Variants in HECW2 observed in about 807,000 individuals in gnomAD.
HECW2 encodes HECT, C2 and WW domain containing E3 ubiquitin protein ligase 2, also known as E3 ubiquitin-protein ligase HECW2.
In HECW2, 61 loss-of-function variants were observed where a neutral mutation model predicts 175.2. The observed-to-expected ratio is 0.35, with a 90% CI of 0.28 to 0.43. The LOEUF is 0.43. Ranked by LOEUF, HECW2 falls within the 20% of genes least tolerant of loss-of-function variation. The pLI is 1.00. For missense variants in HECW2, 1,524 were observed against 2,000.5 expected (o/e 0.76, Z 4.54); for synonymous variants, 671 against 731.0 (o/e 0.92, Z 1.32).
chr2:196,542,060 G>A lies in HECW2; in HGVS notation c.-36+51448C>T, dbSNP rs140225092. ...GGGCGGATCACGAGGTCAGGAGTTC[G>A]AGACCAGTCTGGCCAACATGGTGAA... is the stretch of plus-strand genomic sequence containing the variant. On this transcript the variant is annotated intron_variant, in intron 1 of 28. Transcript: ENST00000644978. Among the ~76,000 whole-genome samples, 745 of 151,996 alleles carry A rather than the reference G, an allele frequency of 4.9e-3. 6 individuals carry two copies. The highest frequency in any genetic ancestry group is 0.014 in the Middle Eastern group (4 of 294).
At chr2:196,411,649 G>T (rs1034585640) in intron 2 of HECW2, among the ~76,000 whole-genome samples, 2 of 152,244 alleles carry the variant, frequency 1.3e-5, no homozygotes, top group Non-Finnish European at 2.9e-5. Context: ...GAGAAGAGCT[G>T]GCCAACAAGG....
chr2:196,570,934 G>T (rs1690363759), intron 1 of HECW2, among the ~76,000 whole-genome samples: 1 of 152,136 alleles, frequency 6.6e-6, no homozygotes, highest in Admixed American at 6.5e-5. Flanking sequence ...TGCAGTGCAG[G>T]TATTTGAGTT....
intron 19 of HECW2, among the ~76,000 whole-genome samples, chr2:196,251,245 G>C (rs1688842314): frequency 6.6e-6 from 1 of 152,174 alleles, no homozygotes; most frequent in Non-Finnish European, 1.5e-5. Context: ...CCCCTGAAAA[G>C]ACTTTCCTAA....
At position 196,201,791 on chromosome 2, in the gene HECW2, G is replaced by A. The variant is rs76364847; in HGVS notation, c.4608-403C>T. ...GTTCATTTTGAGTTGGCATATGCCTGGGTGTCTCTTCGATACTCTGTAGTT... is the reference window on the plus strand; with the variant it reads ...GTTCATTTTGAGTTGGCATATGCCTAGGTGTCTCTTCGATACTCTGTAGTT... On this transcript the variant is annotated intron_variant, in intron 28 of 28. Transcript: ENST00000644978. Among the ~76,000 whole-genome samples the A allele has an allele frequency of 4.6e-3, 699 of 152,074 alleles. 3 individuals are homozygous for A. Among genetic ancestry groups the A allele is most frequent in the Non-Finnish European group, 7.2e-3 (492 of 67,982 alleles).
At chr2:196,266,682 G>A (rs993551155) in intron 17 of HECW2, among the ~76,000 whole-genome samples, 1 of 152,170 alleles carries the variant, frequency 6.6e-6, no homozygotes, top group Non-Finnish European at 1.5e-5. Context: ...CACAAAGCTA[G>A]AAAAGAAATA....
chr2:196,412,984 C>T (rs769030896), intron 2 of HECW2, among the ~76,000 whole-genome samples: 2 of 152,176 alleles, frequency 1.3e-5, no homozygotes, highest in Non-Finnish European at 2.9e-5. Context: ...TTAACTTCCT[C>T]CTCTGGTTCC....
intron 2 of HECW2, among the ~76,000 whole-genome samples, chr2:196,422,580 C>T (rs1038192399): frequency 2.0e-5 from 3 of 152,020 alleles, no homozygotes; most frequent in East Asian, 1.9e-4. Context: ...CCAACCCACA[C>T]GAGACATGCA....
At chr2:196,257,974 A>G in intron 17 of HECW2, 68 bp from the exon 18 acceptor site, 3 of 1,119,236 alleles carry the variant, frequency 2.7e-6, no homozygotes, top group Non-Finnish European at 4.1e-6. Context: ...AGTAGTAAAG[A>G]GCATTTTTTA....
rs148427597 is a variant in HECW2 at position 196,349,251 on chromosome 2, C to T, written c.293-5487G>A. Among the ~76,000 whole-genome samples, 278 of 152,282 alleles carry T rather than the reference C, an allele frequency of 1.8e-3. 2 individuals are homozygous for T. Among genetic ancestry groups the T allele is most frequent in the African/African-American group, 6.4e-3 (267 of 41,544 alleles). ...TCCCATCCTCATTCCTATTTCCTCT[C>T]GTACTAGGATTAAAGTGTCTGTTTT... On this transcript the variant is annotated intron_variant, in intron 2 of 28. Coordinates refer to ENST00000644978, the MANE Select transcript of HECW2 (RefSeq NM_001348768.2).
intron 1 of HECW2, among the ~76,000 whole-genome samples, chr2:196,528,769 C>G (rs1454077754): frequency 6.6e-6 from 1 of 152,168 alleles, no homozygotes; most frequent in Admixed American, 6.5e-5. Context: ...GAAAGAATTC[C>G]ACATCCCTCT....
At chr2:196,250,739 T>C (rs1224862570) in intron 19 of HECW2, among the ~76,000 whole-genome samples, 1 of 152,158 alleles carries the variant, frequency 6.6e-6, no homozygotes, top group East Asian at 1.9e-4. Context: ...CCTGCCTTAT[T>C]CCACAAACCA....
At position 196,470,033 on chromosome 2, in the gene HECW2, T is replaced by C. The variant is rs183527903; in HGVS notation, c.-35-36575A>G. Among the ~76,000 whole-genome samples the C allele has an allele frequency of 1.9e-3, 285 of 152,100 alleles. 6 individuals are homozygous for C. Among genetic ancestry groups the C allele is most frequent in the East Asian group, 0.013 (65 of 5,182 alleles). On this transcript the variant is annotated intron_variant, in intron 1 of 28. Transcript: ENST00000644978. ...TCCCATTCTATCTATAAAAATAATA[T>C]ACATATTCACTATAAAAGAATGATC...
rs766496344 is a variant in HECW2, at chr2:196,309,327, G to A, written c.2435-1242C>T. 7.9e-4 allele frequency among the ~76,000 whole-genome samples: 121 copies of A among 152,236 alleles called. 1 individual carries two copies. Among genetic ancestry groups the A allele is most frequent in the Non-Finnish European group, 1.6e-3 (108 of 68,014 alleles). On this transcript the variant is annotated intron_variant, in intron 10 of 28. Transcript: ENST00000644978. Reference sequence around the variant, plus strand: ...CAAATGGCAAAAGAAAGAGGAATTGGGCTGAACAAAAGCACCACACAGACA... The same window carrying A: ...CAAATGGCAAAAGAAAGAGGAATTGAGCTGAACAAAAGCACCACACAGACA...
In HECW2 at chr2:196,361,929, C is replaced by A. The variant is rs1575462171; in HGVS notation, c.293-18165G>T. 1.3e-5 allele frequency: 13 copies of A among 985,408 alleles called. 1 individual carries two copies. In the South Asian group the frequency reaches 5.2e-4, roughly 39 times the overall value. 61.0% of individuals were successfully genotyped at this position (985,408 alleles called of 1,614,324 possible). A position where few individuals can be genotyped will look rare whatever the true frequency, so the allele number is the denominator to read the frequency against. ...ACCTGGCCAACCCACGTGGCAGTTT[C>A]ATTCATAGGAGCAGCCAGAGCTGAA... On this transcript the variant is annotated intron_variant, in intron 2 of 28. Transcript: ENST00000644978.
rs138971318 is a variant in HECW2 at position 196,386,499 on chromosome 2, T to C, written c.293-42735A>G. Among the ~76,000 whole-genome samples, 21 of 152,334 alleles carry C rather than the reference T, an allele frequency of 1.4e-4. 1 individual carries two copies. In the East Asian group the frequency reaches 3.9e-3, roughly 28 times the overall value. On this transcript the variant is annotated intron_variant, in intron 2 of 28. Transcript: ENST00000644978. ...AGGAGTGCAGATATTAACAGCAATG[T>C]AAAGAAGCAGACCACCTGTTTGAAT... is the stretch of plus-strand genomic sequence containing the variant.
At chr2:196,418,417 C>T (rs1185424385) in intron 2 of HECW2, among the ~76,000 whole-genome samples, 6 of 152,098 alleles carry the variant, frequency 3.9e-5, no homozygotes, top group Non-Finnish European at 5.9e-5. Flanking sequence ...CGTGAGCCAC[C>T]GTGCCCGGCC....
chr2:196,428,525 T>A (rs1695613688), intron 2 of HECW2, among the ~76,000 whole-genome samples: 1 of 152,226 alleles, frequency 6.6e-6, no homozygotes, highest in Non-Finnish European at 1.5e-5. Context: ...TTACCTACTT[T>A]CATTTAATAG....
At chr2:196,496,962 C>T (rs763062333) in intron 1 of HECW2, among the ~76,000 whole-genome samples, 11 of 152,012 alleles carry the variant, frequency 7.2e-5, no homozygotes, top group South Asian at 2.1e-4. Flanking sequence ...ATGAGTAAAA[C>T]GCACCTAAGT....
rs1269625692 is a variant in HECW2 at position 196,222,235 on chromosome 2, A to G, written c.4122T>C (p.Thr1374=). 6.2e-7 allele frequency: 1 copy of G among 1,613,526 alleles called. No individual in the cohort carries two copies. The change falls in exon 24 of 29, where the codon ACT becomes ACC. Residue 1374 remains threonine (T), a synonymous_variant. Coordinates refer to ENST00000644978, the MANE Select transcript of HECW2 (RefSeq NM_001348768.2). ...CCTGCCCAAATACTTCTTCGTTCACAGTGAACGTGAGGTCTAGGATGTCAT... is the reference window on the plus strand; with the variant it reads ...CCTGCCCAAATACTTCTTCGTTCACGGTGAACGTGAGGTCTAGGATGTCAT... ...DIHDILDLTF[T]VNEEVFGQIT... is the part of the protein sequence containing the mutation.
Sources: gnomAD v4.1 joint callset for allele counts (sites outside exome capture counted in the v4.1 genomes callset) on GRCh38, gnomAD v4.1.1 for gene constraint, MANE v1.5 for transcripts, NCBI Gene and HGNC (gene_info 2026-07-23, HGNC 2026-07-21) for gene names.